SMYD2: variants seen among roughly 807,000 people sequenced by gnomAD.
SMYD2 encodes the protein SET and MYND domain containing 2, also known as N-lysine methyltransferase SMYD2.
SMYD2 carries 53 observed loss-of-function variants against 59.1 expected under a neutral mutation model. That is an observed-to-expected ratio of 0.90 (90% confidence interval 0.72 to 1.13). SMYD2 has a LOEUF of 1.13. SMYD2 is among the 50% of genes most tolerant of loss of function. The probability of loss-of-function intolerance (pLI) is 0.00; values close to 1 mark genes in which losing one functional copy is unlikely to be tolerated. For missense variants in SMYD2, 494 were observed against 544.7 expected (o/e 0.91, Z 0.93); for synonymous variants, 208 against 198.8 (o/e 1.05, Z -0.39).
intron 9 of SMYD2, chr1:214,331,326 G>C (rs1032700207): frequency 4.5e-5 from 19 of 423,756 alleles, no homozygotes; most frequent in Non-Finnish European, 7.3e-5. Context: ...ATGAAGGACA[G>C]AGCCTTGATG....
intron 3 of SMYD2, among the ~76,000 whole-genome samples, chr1:214,316,007 G>A (rs947045970): frequency 2.0e-4 from 31 of 152,106 alleles, no homozygotes; most frequent in African/African-American, 5.6e-4. Flanking sequence ...CCTAATCTTC[G>A]AAGGGCCAAA....
intron 3 of SMYD2, among the ~76,000 whole-genome samples, chr1:214,316,710 G>A (rs2102470023): frequency 6.6e-6 from 1 of 152,272 alleles, no homozygotes; most frequent in Admixed American, 6.5e-5. Context: ...TGTTCAGCTT[G>A]GGTCAGGTGC....
In SMYD2 at chr1:214,318,053, T is replaced by C. The variant is rs1239459752; in HGVS notation, c.349-26T>C. On this transcript the variant is annotated intron_variant, in intron 3 of 11. Transcript: ENST00000366957. The surrounding 1 kb of genome is among the most constrained non-coding windows in gnomAD (Gnocchi z 5.4). ...CACTGGTTGTTAAAAAATCTGTATC[T>C]GTGTGATTTCTTCCCCAATTGCTAG... 2 of 1,604,202 alleles carry C rather than the reference T, an allele frequency of 1.2e-6. No individual in the cohort carries two copies. The highest frequency in any genetic ancestry group is 2.2e-5 in the East Asian group (1 of 44,844).
intron 3 of SMYD2, among the ~76,000 whole-genome samples, chr1:214,315,514 TCTGA>T (rs1262847876): frequency 6.6e-6 from 1 of 152,132 alleles, no homozygotes; most frequent in East Asian, 1.9e-4. Flanking sequence ...TGATGCCAAC[TCTGA>T]CTATTCTGTG....
At chr1:214,328,742 A>T (rs893430920) in intron 7 of SMYD2, among the ~76,000 whole-genome samples, 4 of 152,230 alleles carry the variant, frequency 2.6e-5, no homozygotes, top group African/African-American at 9.6e-5. Context: ...TGGGAGCTGA[A>T]GCCCAAGATG....
chr1:214,287,239 G>A lies in SMYD2; in HGVS notation c.173+5812G>A, dbSNP rs1438806503. ...GCGTTTTTATGGAGTTGTGGGGAGG[G>A]GTGAACACTGGGAAGGAAATACTGG... is the stretch of plus-strand genomic sequence containing the variant. On this transcript the variant is annotated intron_variant, in intron 1 of 11. Transcript: ENST00000366957. Among the ~76,000 whole-genome samples the A allele has an allele frequency of 2.0e-5, 3 of 151,998 alleles. No homozygotes were observed. In the East Asian group the frequency reaches 5.8e-4, roughly 29 times the overall value.
chr1:214,301,769 T>TAAAAAAAAA lies in SMYD2; in HGVS notation c.174-3408_174-3400dup, dbSNP rs56102481. Among the ~76,000 whole-genome samples the TAAAAAAAAA allele has an allele frequency of 2.2e-5, 3 of 133,374 alleles. 1 individual carries two copies. The highest frequency in any genetic ancestry group is 3.1e-5 in the Non-Finnish European group (2 of 64,472). The allele number at this position is 133,374 out of a possible 152,430, so 87.5% of individuals were successfully genotyped here. A position where few individuals can be genotyped will look rare whatever the true frequency, so the allele number is the denominator to read the frequency against. ...TTTATCTAAAACTGTTCTTTCAAGT[T>TAAAAAAAAA]AAAAAAAAAAAAAAAAAAGCCAGGA... On this transcript the variant is annotated intron_variant, in intron 1 of 11. Coordinates refer to ENST00000366957, the MANE Select transcript of SMYD2 (RefSeq NM_020197.3).
chr1:214,292,388 T>C (rs557059905), intron 1 of SMYD2, among the ~76,000 whole-genome samples: 1 of 152,320 alleles, frequency 6.6e-6, no homozygotes, highest in East Asian at 1.9e-4. Flanking sequence ...CTCACTCCTT[T>C]GGTTCTGAGA....
intron 5 of SMYD2, among the ~76,000 whole-genome samples, chr1:214,321,501 G>T (rs1657171784): frequency 6.6e-6 from 1 of 152,164 alleles, no homozygotes; most frequent in Non-Finnish European, 1.5e-5. Flanking sequence ...GCAGCCACAT[G>T]CCACCGGTCC....
chr1:214,327,280 G>T (rs1490671469), intron 6 of SMYD2, among the ~76,000 whole-genome samples: 1 of 152,250 alleles, frequency 6.6e-6, no homozygotes, highest in African/African-American at 2.4e-5. Context: ...AGTGTATAGT[G>T]AAGTAGCAAT....
intron 7 of SMYD2, among the ~76,000 whole-genome samples, chr1:214,329,848 G>C (rs1558057906): frequency 6.6e-6 from 1 of 152,250 alleles, no homozygotes; most frequent in Non-Finnish European, 1.5e-5. Context: ...GGCAGAGGCA[G>C]CTGAGGGAGG....
chr1:214,287,978 C>T (rs539993794), intron 1 of SMYD2, among the ~76,000 whole-genome samples: 22 of 152,260 alleles, frequency 1.4e-4, no homozygotes, highest in Non-Finnish European at 2.8e-4. Context: ...TTTTCATATG[C>T]GGGGAACATA....
intron 2 of SMYD2, among the ~76,000 whole-genome samples, chr1:214,311,985 T>C (rs1390912460): frequency 6.6e-6 from 1 of 152,152 alleles, no homozygotes; most frequent in Non-Finnish European, 1.5e-5. Flanking sequence ...CTTTTCCTCT[T>C]TGCTCTGCAG....
intron 6 of SMYD2, among the ~76,000 whole-genome samples, chr1:214,326,557 C>T (rs556819424): frequency 3.9e-5 from 6 of 152,108 alleles, no homozygotes; most frequent in African/African-American, 1.4e-4. Context: ...TGGCCCTCCC[C>T]GAGGTCAAGA....
At chr1:214,288,464 C>A (rs953851627) in intron 1 of SMYD2, among the ~76,000 whole-genome samples, 7 of 152,278 alleles carry the variant, frequency 4.6e-5, no homozygotes, top group South Asian at 2.1e-4. Context: ...CCTGTGCCCC[C>A]CTTTGGCCTG....
chr1:214,326,985 A>T (rs1053443151), intron 6 of SMYD2, among the ~76,000 whole-genome samples: 5 of 152,392 alleles, frequency 3.3e-5, no homozygotes, highest in Non-Finnish European at 5.9e-5. Flanking sequence ...TTTGACCTTC[A>T]TATAATCAGA....
At chr1:214,290,569 T>TG (rs1322520562) in intron 1 of SMYD2, among the ~76,000 whole-genome samples, 1 of 152,154 alleles carries the variant, frequency 6.6e-6, no homozygotes, top group Non-Finnish European at 1.5e-5. Flanking sequence ...GTGAGTGCAC[T>TG]GTGATGCTCA....
chr1:214,317,699 A>C (rs1426641974), intron 3 of SMYD2, among the ~76,000 whole-genome samples: 1 of 152,184 alleles, frequency 6.6e-6, no homozygotes, highest in African/African-American at 2.4e-5. Flanking sequence ...TGTAAAATGG[A>C]TGGGGGGTTT....
chr1:214,332,308 C>T, intron 10 of SMYD2, 116 bp downstream of exon 10: 1 of 1,215,270 alleles, frequency 8.2e-7, no homozygotes, highest in Non-Finnish European at 1.1e-6. Context: ...GCTGCCTCTT[C>T]TCTGCACCCA....
Sources: allele counts gnomAD v4.1 joint callset (sites outside exome capture counted in the v4.1 genomes callset), GRCh38; gene constraint gnomAD v4.1.1; non-coding constraint Gnocchi (gnomAD v3.1); transcripts MANE v1.5; gene names NCBI Gene and HGNC (gene_info 2026-07-23, HGNC 2026-07-21).